MYO5B: variants seen among roughly 807,000 people sequenced by gnomAD.
MYO5B encodes the protein unconventional myosin-Vb.
MYO5B carries 143 observed loss-of-function variants against 229.3 expected under a neutral mutation model. The ratio of observed to expected loss-of-function variants is 0.62; its 90% CI spans 0.54 to 0.72. The LOEUF is 0.72. Ranked by LOEUF, MYO5B falls within the 30% of genes least tolerant of loss-of-function variation. The pLI is 0.00. For synonymous variants in MYO5B, 918 were observed against 885.2 expected, an observed-to-expected ratio of 1.04 and a Z score of -0.66; for missense variants, 2,321 against 2,331.0, an observed-to-expected ratio of 1.00 and a Z score of 0.09.
intron 1 of MYO5B, among the ~76,000 whole-genome samples, chr18:50,087,572 CA>C (rs3075643): frequency 0.015 from 1,271 of 85,566 alleles, 10 homozygotes; most frequent in East Asian, 0.036. Flanking sequence ...GACTCCATCT[CA>C]AAAAAAAAAA....
At chr18:50,029,398 C>G (rs549237665) in intron 4 of MYO5B, among the ~76,000 whole-genome samples, 1 of 152,274 alleles carries the variant, frequency 6.6e-6, no homozygotes, top group East Asian at 1.9e-4. Flanking sequence ...GATTAAAAAC[C>G]ATTCCTGTGT....
chr18:50,169,758 TG>T (rs1245709334), intron 1 of MYO5B, among the ~76,000 whole-genome samples: 1 of 127,750 alleles, frequency 7.8e-6, no homozygotes, highest in Non-Finnish European at 1.7e-5. Flanking sequence ...GAATTACTCT[TG>T]CAATTTTCCT....
chr18:50,122,637 GAGAGAGAGAGAGAGAGAGAGAGAGAGA>G (rs2032085452), intron 1 of MYO5B, among the ~76,000 whole-genome samples: 2 of 1,390 alleles, frequency 1.4e-3, no homozygotes, highest in Non-Finnish European at 2.5e-3. Flanking sequence ...GGGGGGGGGA[GAGAGAGAGAGAGAGAGAGAGAGAGAGA>G]GAGAGAGAGA....
rs540834279 is a variant in MYO5B at position 49,985,569 on chromosome 18, G to A, written c.839-744C>T. 2.6e-5 allele frequency among the ~76,000 whole-genome samples: 4 copies of A among 152,240 alleles called. No homozygotes were observed. The East Asian group carries it at 7.7e-4, about 29-fold the overall frequency. On this transcript the variant is annotated intron_variant, in intron 7 of 39. Transcript: ENST00000285039. ...CAGGGCTTAAAAGTGAGCATTTAAG[G>A]CAACAATTGCATGTAATCGAAGTTA...
intron 1 of MYO5B, among the ~76,000 whole-genome samples, chr18:50,171,747 A>G (rs1368111403): frequency 7.8e-6 from 1 of 127,566 alleles, no homozygotes; most frequent in Non-Finnish European, 1.7e-5. Flanking sequence ...GTTGAAATGG[A>G]GTTGTGGATG....
intron 1 of MYO5B, among the ~76,000 whole-genome samples, chr18:50,146,913 G>A (rs1007608052): frequency 7.2e-5 from 11 of 152,120 alleles, no homozygotes; most frequent in South Asian, 4.2e-4. Flanking sequence ...CAGGCTTTTC[G>A]TATAATTCTG....
intron 1 of MYO5B, among the ~76,000 whole-genome samples, chr18:50,073,909 G>A (rs2031018351): frequency 6.6e-6 from 1 of 152,024 alleles, no homozygotes; most frequent in Non-Finnish European, 1.5e-5. Context: ...ACTACCAACA[G>A]GTATCTTGTG....
chr18:50,023,401 C>T (rs1366779403), intron 4 of MYO5B, among the ~76,000 whole-genome samples: 1 of 152,132 alleles, frequency 6.6e-6, no homozygotes, highest in Non-Finnish European at 1.5e-5. Flanking sequence ...AGACGGAAAG[C>T]ACTGGACTAT....
chr18:49,844,306 G>A (rs1044211397), intron 33 of MYO5B, among the ~76,000 whole-genome samples: 14 of 152,244 alleles, frequency 9.2e-5, no homozygotes, highest in African/African-American at 3.4e-4. Flanking sequence ...GCAAAGGCAA[G>A]ATGACAGGTG....
intron 2 of MYO5B, among the ~76,000 whole-genome samples, chr18:50,048,052 A>G (rs2030285844): frequency 6.6e-6 from 1 of 151,228 alleles, no homozygotes; most frequent in African/African-American, 2.4e-5. Context: ...ACAAACCTGC[A>G]CGTTGTGCAC....
intron 1 of MYO5B, among the ~76,000 whole-genome samples, chr18:50,124,380 C>A (rs1324420998): frequency 2.6e-5 from 4 of 152,182 alleles, no homozygotes; most frequent in Non-Finnish European, 4.4e-5. Flanking sequence ...AGTTGGTACA[C>A]CTTTTCCCAT....
chr18:49,957,142 C>CAAAAAAAAAAAAAAAAAAAAAAA (rs71169467), intron 12 of MYO5B, among the ~76,000 whole-genome samples: 9 of 58,712 alleles, frequency 1.5e-4, no homozygotes, highest in African/African-American at 4.0e-4. Context: ...AATAAAGTAG[C>CAAAAAAAAAAAAAAAAAAAAAAA]AAAAAAAAAA....
At chr18:49,829,743 C>G (rs1368760330) in intron 39 of MYO5B, among the ~76,000 whole-genome samples, 2 of 152,134 alleles carry the variant, frequency 1.3e-5, no homozygotes, top group African/African-American at 4.8e-5. Flanking sequence ...AAGGATTATA[C>G]ACCATGACCA....
At chr18:50,020,363 T>A (rs775314099) in intron 4 of MYO5B, among the ~76,000 whole-genome samples, 1 of 152,228 alleles carries the variant, frequency 6.6e-6, no homozygotes, top group Non-Finnish European at 1.5e-5. Flanking sequence ...CACCACCACA[T>A]GCACCAACCT....
intron 1 of MYO5B, among the ~76,000 whole-genome samples, chr18:50,182,052 G>C (rs1423904887): frequency 6.6e-6 from 1 of 152,196 alleles, no homozygotes; most frequent in African/African-American, 2.4e-5. Context: ...GCCTACTTTT[G>C]CCAGGGTGGG....
Position 49,973,009 on chromosome 18 carries a change from T to C in MYO5B, c.1322+1341A>G, listed in dbSNP as rs16951336. On this transcript the variant is annotated intron_variant, in intron 10 of 39. Transcript: ENST00000285039. ...CCTCACTTTCCATATTCTTCCCCTG[T>C]TCATATGATCCAGTTCAAATCTTAG... is the stretch of plus-strand genomic sequence containing the variant. Among the ~76,000 whole-genome samples, 1,215 of 152,244 alleles carry C rather than the reference T, an allele frequency of 8.0e-3. 16 individuals are homozygous for C. The highest frequency in any genetic ancestry group is 0.027 in the African/African-American group (1,135 of 41,528).
intron 1 of MYO5B, among the ~76,000 whole-genome samples, chr18:50,157,390 C>G (rs1410326831): frequency 6.6e-6 from 1 of 152,146 alleles, no homozygotes; most frequent in Non-Finnish European, 1.5e-5. Context: ...GGGATAAAAT[C>G]TAAAATTCTA....
intron 29 of MYO5B, 62 bp from the exon 30 acceptor site, chr18:49,856,952 G>A: frequency 7.1e-7 from 1 of 1,416,694 alleles, no homozygotes; most frequent in Non-Finnish European, 1.0e-6. Context: ...GGCAGGCAGG[G>A]AGTCCTGGAA....
At chr18:49,923,098 G>T (rs199941565) in intron 17 of MYO5B, among the ~76,000 whole-genome samples, 1 of 152,126 alleles carries the variant, frequency 6.6e-6, no homozygotes, top group Non-Finnish European at 1.5e-5. Context: ...GGCAGTGAGC[G>T]GCCAGAAAAG....
Sources: allele counts gnomAD v4.1 joint callset (sites outside exome capture counted in the v4.1 genomes callset), GRCh38; gene constraint gnomAD v4.1.1; transcripts MANE v1.5; gene names NCBI Gene and HGNC (gene_info 2026-07-23, HGNC 2026-07-21).